IMPG1: variants seen among roughly 807,000 people sequenced by gnomAD.
The protein encoded by IMPG1 is interphotoreceptor matrix proteoglycan 1, also known as interphotoreceptor matrix proteoglycan of 150 kDa.
A neutral mutation model predicts 92.0 loss-of-function variants in IMPG1; 85 were observed. The ratio of observed to expected loss-of-function variants is 0.92; its 90% CI spans 0.78 to 1.11. The LOEUF (loss-of-function observed/expected upper bound fraction) is 1.11. Among genes scored for constraint, IMPG1 ranks in the 50% least tolerant of loss-of-function variants. The probability of loss-of-function intolerance (pLI) is 0.00; values close to 1 mark genes in which losing one functional copy is unlikely to be tolerated. For missense variants in IMPG1, 1,022 were observed against 956.0 expected (o/e 1.07, Z -0.91); for synonymous variants, 367 against 334.1 (o/e 1.10, Z -1.08).
chr6:76,025,179 T>C lies in IMPG1; in HGVS notation c.562+15A>G. On this transcript the variant is annotated intron_variant, in intron 5 of 16. Transcript: ENST00000369950. ...AATGAAAGTTGAGAAGCAAAGAAAT[T>C]AGATCTAAGCTTACCTGTTGAAATG... The C allele has an allele frequency of 6.6e-7, 1 of 1,510,096 alleles. No individual in the cohort carries two copies. The highest frequency in any genetic ancestry group is 9.2e-7 in the Non-Finnish European group (1 of 1,091,872). The allele number at this position is 1,510,096 out of a possible 1,614,324, so 93.5% of individuals were successfully genotyped here. A position where few individuals can be genotyped will look rare whatever the true frequency, so the allele number is the denominator to read the frequency against.
At chr6:76,052,456 C>T (rs1017480600) in intron 1 of IMPG1, among the ~76,000 whole-genome samples, 2 of 152,194 alleles carry the variant, frequency 1.3e-5, no homozygotes, top group African/African-American at 4.8e-5. Context: ...TCTCGAATGA[C>T]GTACATTAAC....
At chr6:76,026,877 T>G (rs544603053) in intron 4 of IMPG1, among the ~76,000 whole-genome samples, 1 of 152,316 alleles carries the variant, frequency 6.6e-6, no homozygotes, top group Non-Finnish European at 1.5e-5. Flanking sequence ...GGGCATGGCT[T>G]GTAACTCCAG....
chr6:75,991,709 G>T (rs918304536), intron 12 of IMPG1, among the ~76,000 whole-genome samples: 6 of 152,114 alleles, frequency 3.9e-5, no homozygotes, highest in African/African-American at 1.4e-4. Context: ...CCTCAAGAAT[G>T]GACACCTATT....
chr6:76,040,277 T>G (rs1783813063), intron 2 of IMPG1, among the ~76,000 whole-genome samples: 1 of 152,202 alleles, frequency 6.6e-6, no homozygotes, highest in South Asian at 2.1e-4. Flanking sequence ...AAAATTTTGT[T>G]GCAGCAATAA....
intron 9 of IMPG1, among the ~76,000 whole-genome samples, chr6:76,007,015 T>C (rs1156673186): frequency 6.6e-6 from 1 of 152,174 alleles, no homozygotes; most frequent in Admixed American, 6.6e-5. Flanking sequence ...TTGATTCTTA[T>C]TACTGAGCTC....
intron 1 of IMPG1, among the ~76,000 whole-genome samples, chr6:76,067,020 C>T (rs1384791018): frequency 6.6e-6 from 1 of 151,732 alleles, no homozygotes; most frequent in African/African-American, 2.4e-5. Flanking sequence ...ACACAACATA[C>T]CTCTGGGATA....
intron 13 of IMPG1, among the ~76,000 whole-genome samples, chr6:75,949,462 C>A (rs947618752): frequency 6.6e-6 from 1 of 152,160 alleles, no homozygotes; most frequent in Non-Finnish European, 1.5e-5. Flanking sequence ...AATAATCCAC[C>A]CTTTGTTTAG....
intron 14 of IMPG1, among the ~76,000 whole-genome samples, chr6:75,941,881 A>G (rs1486044472): frequency 4.6e-5 from 7 of 152,080 alleles, no homozygotes; most frequent in Admixed American, 4.6e-4. Flanking sequence ...CCTTTATGAC[A>G]ATTATGGTTT....
intron 14 of IMPG1, among the ~76,000 whole-genome samples, chr6:75,944,560 A>G (rs1286854701): frequency 6.6e-6 from 1 of 152,218 alleles, no homozygotes; most frequent in African/African-American, 2.4e-5. Context: ...CTGGTGCAAC[A>G]TAGCCAGTTT....
In IMPG1 at chr6:75,924,544, A is replaced by AATATAATTAATATAATTATATATTAT. The variant is rs1562334660; in HGVS notation, c.2244-864_2244-839dup. ...ATTATATATTATAATATAATTATATAATATAATTAATATAATTATATATTA... is the reference window on the plus strand; with the variant it reads ...ATTATATATTATAATATAATTATATAATATAATTAATATAATTATATATTATATATAATTAATATAATTATATATTA... On this transcript the variant is annotated intron_variant, in intron 15 of 16. Transcript: ENST00000369950. 8.1e-4 allele frequency among the ~76,000 whole-genome samples: 32 copies of AATATAATTAATATAATTATATATTAT among 39,340 alleles called. 1 individual carries two copies. The highest frequency in any genetic ancestry group is 2.7e-3 in the African/African-American group (32 of 11,692). The allele number at this position is 39,340 out of a possible 152,430, so 25.8% of individuals were successfully genotyped here. A position where few individuals can be genotyped will look rare whatever the true frequency, so the allele number is the denominator to read the frequency against.
chr6:76,054,785 C>A (rs369982730), intron 1 of IMPG1, among the ~76,000 whole-genome samples: 97 of 152,072 alleles, frequency 6.4e-4, no homozygotes, highest in African/African-American at 2.3e-3. Flanking sequence ...CTTGTTAGTA[C>A]AAGCCAGTTC....
In IMPG1 at chr6:76,034,678, G is replaced by T. The variant is rs1562378203; in HGVS notation, c.411C>A (p.Leu137=). ...TGCTGAAGTTTTTTCCAATGTCAAA[G>T]AGGCAGAAGGTCTCCTGCTGGCAGA... ...VSICQQETFC[L]FDIGKNFSNS... is the part of the protein sequence containing the mutation. Residue 137 remains leucine (L), a synonymous_variant, in exon 3 of 17, where the codon CTC becomes CTA. Coordinates refer to ENST00000369950, the MANE Select transcript of IMPG1 (RefSeq NM_001563.4). 2 of 1,614,038 alleles carry T rather than the reference G, an allele frequency of 1.2e-6. No individual in the cohort carries two copies. Among genetic ancestry groups the T allele is most frequent in the Non-Finnish European group, 1.7e-6 (2 of 1,180,010 alleles).
intron 12 of IMPG1, among the ~76,000 whole-genome samples, chr6:75,959,047 T>A (rs1443728915): frequency 6.6e-6 from 1 of 152,186 alleles, no homozygotes; most frequent in African/African-American, 2.4e-5. Context: ...TTGGTGACAT[T>A]CAGATGGGGT....
At position 76,005,532 on chromosome 6, in the gene IMPG1, G is replaced by GAGCTGT. The variant is rs757929762; in HGVS notation, c.888-4_889dup (p.Gly296_Ser297insTyrSer). The GAGCTGT allele has an allele frequency of 2.0e-5, 33 of 1,613,760 alleles. No individual in the cohort carries two copies. In the East Asian group the frequency reaches 4.0e-4, roughly 20 times the overall value. On this transcript the variant is annotated inframe_insertion and splice_region_variant, in exon 10 of 17. Transcript: ENST00000369950. ...CGTAAGTTGCATCTCTGTGGAGCTTGAGCTGTAGATAGCAGAGGACACATT... is the reference window on the plus strand; with the variant it reads ...CGTAAGTTGCATCTCTGTGGAGCTTGAGCTGTAGCTGTAGATAGCAGAGGACACATT...
intron 2 of IMPG1, among the ~76,000 whole-genome samples, chr6:76,039,715 C>T (rs1783801788): frequency 1.3e-5 from 2 of 152,218 alleles, no homozygotes; most frequent in South Asian, 4.1e-4. Flanking sequence ...GAGGGAGAGA[C>T]ACAGGTGAGG....
intron 12 of IMPG1, among the ~76,000 whole-genome samples, chr6:75,995,309 C>A (rs1782877455): frequency 6.6e-6 from 1 of 152,134 alleles, no homozygotes; most frequent in Non-Finnish European, 1.5e-5. Flanking sequence ...TCTATTTAAA[C>A]CTAAATTTGA....
intron 12 of IMPG1, among the ~76,000 whole-genome samples, chr6:75,996,151 A>G (rs905344093): frequency 9.2e-5 from 14 of 152,210 alleles, no homozygotes; most frequent in African/African-American, 3.1e-4. Flanking sequence ...TTTCCCATCT[A>G]AAGATGTGCA....
intron 1 of IMPG1, among the ~76,000 whole-genome samples, chr6:76,063,090 G>A (rs956411684): frequency 1.3e-5 from 2 of 152,024 alleles, no homozygotes; most frequent in African/African-American, 4.8e-5. Flanking sequence ...TGTAGTCACA[G>A]CTACTTGGGA....
At chr6:76,027,344 A>G (rs1783560420) in intron 4 of IMPG1, among the ~76,000 whole-genome samples, 1 of 152,194 alleles carries the variant, frequency 6.6e-6, no homozygotes, top group African/African-American at 2.4e-5. Flanking sequence ...ACCCTTAACT[A>G]AAAAGGCAAA....
Sources: gnomAD v4.1 joint callset for allele counts (sites outside exome capture counted in the v4.1 genomes callset) on GRCh38, gnomAD v4.1.1 for gene constraint, MANE v1.5 for transcripts, NCBI Gene and HGNC (gene_info 2026-07-23, HGNC 2026-07-21) for gene names.